Variants in KIAA1671 observed in about 807,000 individuals in gnomAD.
KIAA1671 encodes the protein KIAA1671, also known as uncharacterized protein KIAA1671.
A neutral mutation model predicts 131.2 loss-of-function variants in KIAA1671; 52 were observed. The observed-to-expected ratio is 0.40, with a 90% confidence interval of 0.32 to 0.50. KIAA1671 has a LOEUF of 0.50. Ranked by LOEUF, KIAA1671 falls within the 20% of genes least tolerant of loss-of-function variation. KIAA1671 has a pLI of 0.73. For missense variants in KIAA1671, 2,360 were observed against 2,364.2 expected, an observed-to-expected ratio of 1.00 and a Z score of 0.04; for synonymous variants, 1,003 against 961.6, an observed-to-expected ratio of 1.04 and a Z score of -0.80.
intron 6 of KIAA1671, among the ~76,000 whole-genome samples, chr22:25,139,055 G>A (rs1365057952): frequency 6.6e-6 from 1 of 152,248 alleles, no homozygotes; most frequent in Admixed American, 6.5e-5. Context: ...CCCCAACTGA[G>A]AAGTAGTGGA....
In KIAA1671 at chr22:25,028,027, A is replaced by G; in HGVS notation, c.28A>G (p.Ile10Val). ...GGCCACGCGGGTCGAGGTGGGCTCC[A>G]TAACGCCCTTGACGGCCGTGCCAGG... MATRVEVGS[I>V]TPLTAVPGLG... Residue 10 changes from isoleucine to valine, a missense_variant, in exon 3 of 13, where the codon ATA becomes GTA. This residue lies in a region of KIAA1671 where 1,185 missense variants were observed against 1,126.2 expected (regional missense o/e 1.05). Coordinates refer to ENST00000358431, the MANE Select transcript of KIAA1671 (RefSeq NM_001145206.2). 2 of 1,522,680 alleles carry G rather than the reference A, an allele frequency of 1.3e-6. No homozygotes were observed. Among genetic ancestry groups the G allele is most frequent in the East Asian group, 2.5e-5 (1 of 40,550 alleles). 94.3% of individuals were successfully genotyped at this position (1,522,680 alleles called of 1,614,324 possible).
intron 6 of KIAA1671, among the ~76,000 whole-genome samples, chr22:25,145,304 C>A (rs927407884): frequency 2.0e-5 from 3 of 152,176 alleles, no homozygotes; most frequent in Admixed American, 1.3e-4. Flanking sequence ...GCATCAATGG[C>A]GTAGGAAAGC....
chr22:24,954,225 G>A (rs1222209939), intron 1 of KIAA1671, among the ~76,000 whole-genome samples: 1 of 152,118 alleles, frequency 6.6e-6, no homozygotes, highest in African/African-American at 2.4e-5. Flanking sequence ...CTGAGGTTTG[G>A]CTAATGAGTA....
rs935698859 is a variant in KIAA1671, at chr22:25,183,842, A to ATCCT, written c.5200-1119_5200-1116dup. 6.2e-4 allele frequency among the ~76,000 whole-genome samples: 73 copies of ATCCT among 117,448 alleles called. 1 individual carries two copies. In the Middle Eastern group the frequency reaches 0.018, roughly 28 times the overall value. The allele number at this position is 117,448 out of a possible 152,430, so 77.1% of individuals were successfully genotyped here. The stretch of plus-strand genomic sequence containing the variant: ...TGGCCTTCCTCCCTCCCTCCCTCCC[A>ATCCT]TCCTTCCTTCCTTCCTTCCCTCATT... On this transcript the variant is annotated intron_variant, in intron 10 of 12. Coordinates refer to ENST00000358431, the MANE Select transcript of KIAA1671 (RefSeq NM_001145206.2).
chr22:25,088,190 C>T (rs1195188998), intron 6 of KIAA1671, among the ~76,000 whole-genome samples: 1 of 151,874 alleles, frequency 6.6e-6, no homozygotes, highest in African/African-American at 2.4e-5. Context: ...TCACTGCAAC[C>T]TCTGCCTCTG....
chr22:25,143,108 A>G (rs531686063), intron 6 of KIAA1671, among the ~76,000 whole-genome samples: 29 of 152,282 alleles, frequency 1.9e-4, no homozygotes, highest in African/African-American at 6.7e-4. Context: ...TTACTCAGGT[A>G]TTTTTCAGGC....
chr22:25,049,060 C>G, intron 5 of KIAA1671, 170 bp from the exon 6 acceptor site: 1 of 806,662 alleles, frequency 1.2e-6, no homozygotes, highest in South Asian at 2.0e-5. Context: ...CACTGGAACC[C>G]AGAGCTACCG....
rs1393522759 is a variant in KIAA1671 at position 25,170,948 on chromosome 22, G to A, written c.4649+10G>A. ...GCCAGAGTGGGGAGAGGTAGGACGC[G>A]TGCGACGGGATTCTGGCTGCAAAGG... On this transcript the variant is annotated intron_variant, in intron 7 of 12. Transcript: ENST00000358431. 15 of 1,550,298 alleles carry A rather than the reference G, an allele frequency of 9.7e-6. No homozygotes were observed. The highest frequency in any genetic ancestry group is 2.0e-5 in the Admixed American group (1 of 50,942).
intron 6 of KIAA1671, chr22:25,055,742 T>G (rs890138146): frequency 1.1e-4 from 16 of 149,836 alleles, no homozygotes; most frequent in African/African-American, 3.7e-4. Context: ...GATTGTTTTT[T>G]CTTTGTTGTT....
intron 8 of KIAA1671, chr22:25,176,988 T>G: frequency 5.1e-6 from 1 of 194,428 alleles, no homozygotes. Context: ...AAACATTAAT[T>G]GAGCTCCTGC....
In KIAA1671 at chr22:25,028,038, G is replaced by A; in HGVS notation, c.39G>A (p.Leu13=). Residue 13 remains leucine, a synonymous_variant, in exon 3 of 13, where the codon TTG becomes TTA. Coordinates refer to ENST00000358431, the MANE Select transcript of KIAA1671 (RefSeq NM_001145206.2). The part of the protein sequence containing the change: ...TRVEVGSITP[L]TAVPGLGEMG... ...TCGAGGTGGGCTCCATAACGCCCTT[G>A]ACGGCCGTGCCAGGCCTGGGTGAGA... is the stretch of plus-strand genomic sequence containing the variant. The A allele has an allele frequency of 6.5e-7, 1 of 1,532,658 alleles. No individual in the cohort carries two copies. Among genetic ancestry groups the A allele is most frequent in the Non-Finnish European group, 8.8e-7 (1 of 1,137,274 alleles). The allele number at this position is 1,532,658 out of a possible 1,614,324, so 94.9% of individuals were successfully genotyped here.
At position 25,192,521 on chromosome 22, in the gene KIAA1671, T is replaced by C. The variant is rs566042118; in HGVS notation, c.*120T>C. ...CGCTTACGTGCCTGGGCCCTTCCCA[T>C]TGGATTGAGAACGCTATCCAGTGCC... On this transcript the variant is annotated 3_prime_UTR_variant, in exon 13 of 13. Transcript: ENST00000358431. The C allele has an allele frequency of 5.3e-5, 8 of 152,282 alleles. No individual in the cohort carries two copies. Among genetic ancestry groups the C allele is most frequent in the African/African-American group, 1.9e-4 (8 of 41,556 alleles). 9.4% of individuals were successfully genotyped at this position (152,282 alleles called of 1,614,324 possible).
chr22:25,038,715 T>C lies in KIAA1671; in HGVS notation c.1630-45T>C. On this transcript the variant is annotated intron_variant, in intron 4 of 12. Transcript: ENST00000358431. ...TCCACTTTTTCCTTTCCATCTCAAA[T>C]CCTTAAACACTGAGGTGTTTCTTTT... The C allele has an allele frequency of 2.0e-6, 3 of 1,484,122 alleles. No homozygotes were observed. In the South Asian group the frequency reaches 4.0e-5, roughly 20 times the overall value. 91.9% of individuals were successfully genotyped at this position (1,484,122 alleles called of 1,614,324 possible). A position where few individuals can be genotyped will look rare whatever the true frequency, so the allele number is the denominator to read the frequency against.
intron 11 of KIAA1671, among the ~76,000 whole-genome samples, chr22:25,186,657 ATTGGG>A (rs1934486016): frequency 6.6e-6 from 1 of 152,238 alleles, no homozygotes; most frequent in African/African-American, 2.4e-5. Flanking sequence ...ATGGTGGACA[ATTGGG>A]TCTTAGCTGG....
intron 7 of KIAA1671, among the ~76,000 whole-genome samples, chr22:25,171,149 C>T (rs908074689): frequency 1.3e-5 from 2 of 152,170 alleles, no homozygotes; most frequent in African/African-American, 4.8e-5. Flanking sequence ...TCTGTAATCC[C>T]AGCACTTTGG....
Position 25,182,788 on chromosome 22 carries a change from G to A in KIAA1671, c.5199+965G>A, listed in dbSNP as rs968637363. 5.9e-5 allele frequency among the ~76,000 whole-genome samples: 9 copies of A among 152,208 alleles called. No individual in the cohort carries two copies. In the East Asian group the frequency reaches 1.2e-3, roughly 20 times the overall value. On this transcript the variant is annotated intron_variant, in intron 10 of 12. Coordinates refer to ENST00000358431, the MANE Select transcript of KIAA1671 (RefSeq NM_001145206.2). The stretch of plus-strand genomic sequence containing the variant: ...CTCACCAGTGCTGAACATCAGGGAA[G>A]CAGGAGTGAACAAACCCAGGCTCCT...
intron 6 of KIAA1671, among the ~76,000 whole-genome samples, chr22:25,133,131 G>A (rs1049863271): frequency 6.6e-6 from 1 of 151,694 alleles, no homozygotes; most frequent in Admixed American, 6.6e-5. Flanking sequence ...TTTAATGCAG[G>A]ACTTTTCAGA....
chr22:25,120,181 C>T (rs948489915), intron 6 of KIAA1671, among the ~76,000 whole-genome samples: 32 of 152,210 alleles, frequency 2.1e-4, no homozygotes, highest in Admixed American at 1.2e-3. Flanking sequence ...TGCCAACTGC[C>T]ACCTGCTACG....
At chr22:24,996,786 G>T (rs1156385332) in intron 1 of KIAA1671, among the ~76,000 whole-genome samples, 1 of 152,196 alleles carries the variant, frequency 6.6e-6, no homozygotes, top group Admixed American at 6.5e-5. Flanking sequence ...AGGGCAGCAT[G>T]TTGGAGGACA....
Sources: gnomAD v4.1 joint callset for allele counts (sites outside exome capture counted in the v4.1 genomes callset) on GRCh38, gnomAD v4.1.1 for gene constraint, gnomAD v4.1.1 regional missense constraint, MANE v1.5 for transcripts, NCBI Gene and HGNC (gene_info 2026-07-23, HGNC 2026-07-21) for gene names.